The following PRKCE variants were observed in gnomAD, a reference collection of about 807,000 sequenced individuals.
PRKCE encodes the protein protein kinase C epsilon.
Under a neutral mutation model 85.4 loss-of-function variants are expected in PRKCE, and 16 were observed. That is an observed-to-expected ratio of 0.19 (90% CI 0.13 to 0.28). PRKCE has a LOEUF of 0.28. PRKCE is among the 10% of genes least tolerant of loss of function. The pLI is 1.00. For missense variants in PRKCE, 573 were observed against 975.2 expected (o/e 0.59, Z 5.49); for synonymous variants, 388 against 371.5 (o/e 1.04, Z -0.51).
At chr2:46,048,484 C>A (rs545299792) in intron 10 of PRKCE, among the ~76,000 whole-genome samples, 1 of 152,334 alleles carries the variant, frequency 6.6e-6, no homozygotes, top group South Asian at 2.1e-4. Context: ...CCCACCAGAG[C>A]CCCTCTGCCA....
At chr2:46,102,790 C>A (rs1282626454) in intron 11 of PRKCE, among the ~76,000 whole-genome samples, 1 of 152,124 alleles carries the variant, frequency 6.6e-6, no homozygotes, top group East Asian at 1.9e-4. Context: ...ACAGGAATAC[C>A]TCAGAGGTGA....
Position 46,184,277 on chromosome 2 carries a change from G to A in PRKCE, c.2068-458G>A, listed in dbSNP as rs994605345. 1.3e-5 allele frequency among the ~76,000 whole-genome samples: 2 copies of A among 152,148 alleles called. No homozygotes were observed. The highest frequency in any genetic ancestry group is 6.5e-5 in the Admixed American group (1 of 15,276). On this transcript the variant is annotated intron_variant, in intron 14 of 14. Coordinates refer to ENST00000306156, the MANE Select transcript of PRKCE (RefSeq NM_005400.3). This position sits in a 1 kb window ranked among gnomAD's most constrained non-coding sequence, Gnocchi z 5.0. Reference sequence around the variant, plus strand: ...CAGGCTTGTGGAGAGGATGTCACCTGGAGCAGATGTGGCCGGGTTATGGGG... The same window carrying A: ...CAGGCTTGTGGAGAGGATGTCACCTAGAGCAGATGTGGCCGGGTTATGGGG...
intron 10 of PRKCE, among the ~76,000 whole-genome samples, chr2:46,031,985 A>G (rs1426158366): frequency 6.6e-6 from 1 of 152,152 alleles, no homozygotes; most frequent in East Asian, 1.9e-4. Context: ...CTTTTCAGAC[A>G]TTTATTTGGT....
At chr2:45,917,294 C>T (rs1464015271) in intron 2 of PRKCE, among the ~76,000 whole-genome samples, 6 of 152,128 alleles carry the variant, frequency 3.9e-5, no homozygotes, top group Non-Finnish European at 8.8e-5. Context: ...TCAATTGGTG[C>T]GTTCACAAAC....
intron 2 of PRKCE, among the ~76,000 whole-genome samples, chr2:45,854,635 G>T (rs1266444206): frequency 1.3e-5 from 2 of 152,220 alleles, no homozygotes; most frequent in African/African-American, 2.4e-5. Flanking sequence ...TTAAGCCAAT[G>T]CTCAGGATTT....
At chr2:46,047,872 T>A (rs1041709272) in intron 10 of PRKCE, among the ~76,000 whole-genome samples, 3 of 152,248 alleles carry the variant, frequency 2.0e-5, no homozygotes, top group African/African-American at 7.2e-5. Flanking sequence ...CAGGAAGTTT[T>A]CTGTCAAGTA....
intron 2 of PRKCE, among the ~76,000 whole-genome samples, chr2:45,958,496 G>C (rs1411110563): frequency 2.7e-5 from 4 of 145,636 alleles, no homozygotes; most frequent in Non-Finnish European, 6.0e-5. Flanking sequence ...CTGACAGAGG[G>C]AGACTCTGTC....
chr2:45,828,935 C>T (rs1041699160), intron 1 of PRKCE, among the ~76,000 whole-genome samples: 4 of 152,102 alleles, frequency 2.6e-5, no homozygotes, highest in Non-Finnish European at 5.9e-5. Context: ...AAAATTGGAT[C>T]ATAGAATATA....
rs985790145 is a variant in PRKCE at position 46,068,527 on chromosome 2, A to G, written c.1438-17681A>G. ...TGAGAAAGACCAGTTGAAGAAGGGT[A>G]GAAAAATAATACCAACTTTAAAAAA... On this transcript the variant is annotated intron_variant, in intron 10 of 14. Transcript: ENST00000306156. This position sits in a 1 kb window ranked among gnomAD's most constrained non-coding sequence, Gnocchi z 4.3. Among the ~76,000 whole-genome samples, 5 of 152,240 alleles carry G rather than the reference A, an allele frequency of 3.3e-5. No individual in the cohort carries two copies. The highest frequency in any genetic ancestry group is 7.3e-5 in the Non-Finnish European group (5 of 68,032).
intron 1 of PRKCE, among the ~76,000 whole-genome samples, chr2:45,793,909 T>G (rs1452870237): frequency 6.6e-6 from 1 of 152,178 alleles, no homozygotes; most frequent in Non-Finnish European, 1.5e-5. Context: ...TTTTTTTTCT[T>G]GCTTGGTTCG....
In PRKCE at chr2:46,145,017, G is replaced by A. The variant is rs956029788; in HGVS notation, c.1593-76G>A. 8 of 1,576,424 alleles carry A rather than the reference G, an allele frequency of 5.1e-6. No homozygotes were observed. In the African/African-American group the frequency reaches 1.1e-4, roughly 21 times the overall value. ...TTTGCTGGAGATTTCCCTAAGATAG[G>A]CACATACCTCCAACTCAGGAAGACT... On this transcript the variant is annotated intron_variant, in intron 11 of 14. Transcript: ENST00000306156. The surrounding 1 kb of genome is among the most constrained non-coding windows in gnomAD (Gnocchi z 4.6).
intron 2 of PRKCE, among the ~76,000 whole-genome samples, chr2:45,922,584 C>T (rs1698329027): frequency 6.6e-6 from 1 of 152,172 alleles, no homozygotes; most frequent in Non-Finnish European, 1.5e-5. Flanking sequence ...TAAACCCTTC[C>T]CCCCAGGCTG....
chr2:46,030,054 G>T (rs1000595119), intron 10 of PRKCE, among the ~76,000 whole-genome samples: 2 of 152,154 alleles, frequency 1.3e-5, no homozygotes, highest in African/African-American at 4.8e-5. Context: ...TTTCCCACCA[G>T]GGAGTAATGA....
At chr2:45,853,090 G>A (rs928183153) in intron 2 of PRKCE, among the ~76,000 whole-genome samples, 2 of 152,142 alleles carry the variant, frequency 1.3e-5, no homozygotes, top group Admixed American at 6.5e-5. Context: ...TTTCTTTCTC[G>A]AGTCCCGATC....
chr2:45,975,706 G>A (rs1702403089), intron 2 of PRKCE, among the ~76,000 whole-genome samples: 1 of 152,140 alleles, frequency 6.6e-6, no homozygotes, highest in Admixed American at 6.5e-5. Context: ...CTCAGTTGGT[G>A]GGGCAGTCTC....
chr2:46,131,479 A>AC (rs1200269111), intron 11 of PRKCE, among the ~76,000 whole-genome samples: 7 of 152,196 alleles, frequency 4.6e-5, no homozygotes, highest in Admixed American at 3.9e-4. Context: ...GGGAAGGGTG[A>AC]TTTTTAAAAA....
At chr2:45,827,745 CATTGTTTTG>C (rs1485505821) in intron 1 of PRKCE, among the ~76,000 whole-genome samples, 1 of 152,148 alleles carries the variant, frequency 6.6e-6, no homozygotes, top group Non-Finnish European at 1.5e-5. Context: ...ACATCTTGTT[CATTGTTTTG>C]ATATAAAATC....
At chr2:45,743,119 G>A (rs1033421597) in intron 1 of PRKCE, among the ~76,000 whole-genome samples, 2 of 152,088 alleles carry the variant, frequency 1.3e-5, no homozygotes, top group Non-Finnish European at 2.9e-5. Flanking sequence ...GGGGAGTGAG[G>A]GTAATGGGGA....
At chr2:45,781,397 G>A (rs1686176734) in intron 1 of PRKCE, among the ~76,000 whole-genome samples, 1 of 152,178 alleles carries the variant, frequency 6.6e-6, no homozygotes, top group African/African-American at 2.4e-5. Flanking sequence ...ATCGCAGGGA[G>A]TCCAACCTCA....
Sources: allele counts gnomAD v4.1 joint callset (sites outside exome capture counted in the v4.1 genomes callset), GRCh38; gene constraint gnomAD v4.1.1; non-coding constraint Gnocchi (gnomAD v3.1); transcripts MANE v1.5; gene names NCBI Gene and HGNC (gene_info 2026-07-23, HGNC 2026-07-21).